KIFBP: variants seen among roughly 807,000 people sequenced by gnomAD.
KIFBP encodes the protein KIF-binding protein.
A neutral mutation model predicts 58.9 loss-of-function variants in KIFBP; 46 were observed. The ratio of observed to expected loss-of-function variants is 0.78; its 90% confidence interval spans 0.62 to 1.00. KIFBP has a LOEUF of 1.00. Among genes scored for constraint, KIFBP ranks in the 50% least tolerant of loss-of-function variants. The probability of loss-of-function intolerance (pLI) is 0.00; values close to 1 mark genes in which losing one functional copy is unlikely to be tolerated. For synonymous variants in KIFBP, 241 were observed against 283.4 expected (o/e 0.85, Z 1.50); for missense variants, 651 against 752.9 (o/e 0.86, Z 1.58).
In KIFBP at chr10:69,008,418, A is replaced by T. The variant is rs1010672388; in HGVS notation, c.790-423A>T. 2.1e-5 allele frequency among the ~76,000 whole-genome samples: 3 copies of T among 139,598 alleles called. 1 individual carries two copies. Among genetic ancestry groups the T allele is most frequent in the African/African-American group, 8.4e-5 (3 of 35,608 alleles). The allele number at this position is 139,598 out of a possible 152,430, so 91.6% of individuals were successfully genotyped here. A position where few individuals can be genotyped will look rare whatever the true frequency, so the allele number is the denominator to read the frequency against. On this transcript the variant is annotated intron_variant, in intron 4 of 6. Transcript: ENST00000361983. ...TATATATATATATATATATATATATATTCAGTCTTCTGACACAATGTAAAT... is the reference window on the plus strand; with the variant it reads ...TATATATATATATATATATATATATTTTCAGTCTTCTGACACAATGTAAAT...
rs1564638152 is a variant in KIFBP, at chr10:69,010,883, TC to T, written c.875-16del. On this transcript the variant is annotated splice_polypyrimidine_tract_variant and intron_variant, in intron 5 of 6. Transcript: ENST00000361983. ...AGTTGTGACCATTAACTTAAACAAA[TC>T]ACATGTATATTTTAGCTCCTGAAGC... The T allele has an allele frequency of 6.5e-7, 1 of 1,527,406 alleles. No homozygotes were observed. Among genetic ancestry groups the T allele is most frequent in the East Asian group, 2.3e-5 (1 of 44,418 alleles). The allele number at this position is 1,527,406 out of a possible 1,614,324, so 94.6% of individuals were successfully genotyped here.
At position 68,989,262 on chromosome 10, in the gene KIFBP, A is replaced by G. The variant is rs1362728059; in HGVS notation, c.426+4A>G. On this transcript the variant is annotated splice_donor_region_variant and intron_variant, in intron 1 of 6. Coordinates refer to ENST00000361983, the MANE Select transcript of KIFBP (RefSeq NM_015634.4). ...CTCTCTCTGCATCCAGGCGCAGGTG[A>G]GAGCGAGCCCGGCCAGGCCGGCCCC... The G allele has an allele frequency of 1.9e-6, 3 of 1,612,548 alleles. No individual in the cohort carries two copies. The highest frequency in any genetic ancestry group is 3.3e-5 in the Admixed American group (2 of 59,954).
chr10:68,989,282 G>C, intron 1 of KIFBP, 24 bp downstream of exon 1: 1 of 1,609,690 alleles, frequency 6.2e-7, no homozygotes, highest in Non-Finnish European at 8.5e-7. Context: ...CGGCCAGGCC[G>C]GCCCCTGTTG....
chr10:69,002,442 G>A (rs566372570), intron 2 of KIFBP, among the ~76,000 whole-genome samples: 39 of 152,044 alleles, frequency 2.6e-4, no homozygotes, highest in African/African-American at 8.7e-4. Context: ...ACAGGCATAA[G>A]CCACCATGCC....
chr10:69,015,583 A>G lies in KIFBP; in HGVS notation c.1033A>G (p.Arg345Gly), dbSNP rs1838987252. The change falls in exon 7 of 7, where the codon AGA becomes GGA. Residue 345 changes from arginine to glycine, a missense_variant. Transcript: ENST00000361983. ...TGATCTTGATAAACAGTCTGAACTT[A>G]GAGCTTTAAGGAAAAAAGAACTAGA... ...ELDLDKQSEL[R>G]ALRKKELDEE... is the part of the protein sequence containing the mutation. 1.2e-6 allele frequency: 2 copies of G among 1,613,498 alleles called. No homozygotes were observed. The highest frequency in any genetic ancestry group is 4.5e-5 in the East Asian group (2 of 44,896).
At chr10:68,989,654 G>C (rs2132104924) in intron 1 of KIFBP, 1 of 232,200 alleles carries the variant, frequency 4.3e-6, no homozygotes, top group East Asian at 1.1e-4. Context: ...AACGTCTCAA[G>C]GAAATGACAA....
In KIFBP at chr10:69,015,688, A is replaced by C; in HGVS notation, c.1138A>C (p.Lys380Gln). Residue 380 changes from lysine (K) to glutamine (Q), a missense_variant, in exon 7 of 7, where the codon AAA (lysine) becomes CAA (glutamine). Transcript: ENST00000361983. Reference protein sequence around the residue: ...LCDAISAVEEKVSYLRPLDFE... With the variant: ...LCDAISAVEEQVSYLRPLDFE... ...TGATGCCATCTCTGCAGTAGAAGAG[A>C]AAGTGAGCTACTTGAGACCTTTAGA... 6.2e-7 allele frequency: 1 copy of C among 1,614,210 alleles called. No individual in the cohort carries two copies. The highest frequency in any genetic ancestry group is 8.5e-7 in the Non-Finnish European group (1 of 1,180,022).
rs931419659 is a variant in KIFBP, at chr10:69,009,344, TA to T, written c.874+431del. On this transcript the variant is annotated intron_variant, in intron 5 of 6. Transcript: ENST00000361983. Reference sequence around the variant, plus strand: ...CCCATCTCTATGTTTTTAAAGAAATTAAAAAAAAAAAAGTAACATTGATACA... The same window carrying T: ...CCCATCTCTATGTTTTTAAAGAAATTAAAAAAAAAAAGTAACATTGATACA... 1.1e-3 allele frequency among the ~76,000 whole-genome samples: 159 copies of T among 145,172 alleles called. 1 individual carries two copies. The highest frequency in any genetic ancestry group is 1.3e-3 in the South Asian group (6 of 4,606).
rs1446733493 is a variant in KIFBP at position 69,015,575 on chromosome 10, C to A, written c.1025C>A (p.Ser342Tyr). 1.2e-6 allele frequency: 2 copies of A among 1,613,364 alleles called. No individual in the cohort carries two copies. Among genetic ancestry groups the A allele is most frequent in the Non-Finnish European group, 1.7e-6 (2 of 1,179,892 alleles). Residue 342 changes from serine (S) to tyrosine (Y), a missense_variant, in exon 7 of 7, where the codon TCT becomes TAT. Ser to Tyr is a moderately radical substitution (Grantham distance 144). Transcript: ENST00000361983. The part of the protein sequence containing the change: ...NIGELDLDKQ[S>Y]ELRALRKKEL... The stretch of plus-strand genomic sequence containing the variant: ...GGAGAGCTTGATCTTGATAAACAGT[C>A]TGAACTTAGAGCTTTAAGGAAAAAA...
At chr10:69,014,205 G>A (rs991696338) in intron 6 of KIFBP, among the ~76,000 whole-genome samples, 1 of 152,174 alleles carries the variant, frequency 6.6e-6, no homozygotes, top group South Asian at 2.1e-4. Flanking sequence ...AGGATACTAT[G>A]ATGAACAAAA....
chr10:69,008,759 A>AT, intron 4 of KIFBP, 82 bp from the exon 5 acceptor site: 1 of 1,075,342 alleles, frequency 9.3e-7, no homozygotes, highest in Non-Finnish European at 1.4e-6. Context: ...ACCTTTTCCC[A>AT]TATTAAAAGA....
rs972871460 is a variant in KIFBP, at chr10:69,016,900, A to G, written c.*484A>G. The stretch of plus-strand genomic sequence containing the variant: ...CTAAAAACTAAGTTATGTTATTATA[A>G]AGTGTAAAATGGTTTGTCTTAATTA... On this transcript the variant is annotated 3_prime_UTR_variant, in exon 7 of 7. Coordinates refer to ENST00000361983, the MANE Select transcript of KIFBP (RefSeq NM_015634.4). The G allele has an allele frequency of 1.3e-5, 2 of 155,404 alleles. No homozygotes were observed. The highest frequency in any genetic ancestry group is 4.8e-5 in the African/African-American group (2 of 41,448). 9.6% of individuals were successfully genotyped at this position (155,404 alleles called of 1,614,324 possible). A position where few individuals can be genotyped will look rare whatever the true frequency, so the allele number is the denominator to read the frequency against.
chr10:69,016,373 C>G lies in KIFBP; in HGVS notation c.1823C>G (p.Pro608Arg). Residue 608 changes from proline (P) to arginine (R), a missense_variant, in exon 7 of 7, where the codon CCA becomes CGA. Pro to Arg is a moderately radical substitution (Grantham distance 103, BLOSUM62 -2). Transcript: ENST00000361983. ...AGTAAAGAGATGGTTAGTCTTCTCCCAACAAAAATGGAGAGATTCAGAACC... is the reference window on the plus strand; with the variant it reads ...AGTAAAGAGATGGTTAGTCTTCTCCGAACAAAAATGGAGAGATTCAGAACC... Reference protein sequence around the residue: ...ELSKEMVSLLPTKMERFRTKM... With the variant: ...ELSKEMVSLLRTKMERFRTKM... 2 of 1,613,944 alleles carry G rather than the reference C, an allele frequency of 1.2e-6. No homozygotes were observed. Among genetic ancestry groups the G allele is most frequent in the Non-Finnish European group, 1.7e-6 (2 of 1,179,934 alleles).
intron 6 of KIFBP, among the ~76,000 whole-genome samples, chr10:69,012,926 T>C (rs1489743921): frequency 6.6e-6 from 1 of 151,998 alleles, no homozygotes; most frequent in African/African-American, 2.4e-5. Context: ...AAGAGGTTAA[T>C]TGACTCACAG....
At chr10:68,994,131 A>T (rs1484682295) in intron 1 of KIFBP, among the ~76,000 whole-genome samples, 2 of 152,044 alleles carry the variant, frequency 1.3e-5, no homozygotes, top group South Asian at 4.1e-4. Context: ...GGCTGCAGTA[A>T]GCTAAGATGG....
intron 6 of KIFBP, chr10:69,015,297 A>C (rs1051228838): frequency 1.3e-5 from 6 of 449,460 alleles, no homozygotes; most frequent in Non-Finnish European, 2.4e-5. Flanking sequence ...TCAGTTCCTC[A>C]GAATAAATGA....
chr10:68,998,530 A>AT (rs985763824), intron 1 of KIFBP, among the ~76,000 whole-genome samples: 7 of 151,410 alleles, frequency 4.6e-5, no homozygotes, highest in African/African-American at 1.5e-4. Context: ...AGAAATTTGT[A>AT]TTTTTTTCCC....
chr10:68,998,624 ACTTC>A (rs1388070249), intron 1 of KIFBP, among the ~76,000 whole-genome samples: 1 of 151,414 alleles, frequency 6.6e-6, no homozygotes, highest in East Asian at 1.9e-4. Flanking sequence ...TGCATTAAAA[ACTTC>A]CTTCCCTAGT....
rs34786287 is a variant in KIFBP at position 69,011,683 on chromosome 10, C to CTTTTTTTTTTTT, written c.990+686_990+697dup. ...ACAGGTGTGAGCCACTGTGCCTAAT[C>CTTTTTTTTTTTT]TTTTTTTTTTTTTTTTTTTTTTTTT... On this transcript the variant is annotated intron_variant, in intron 6 of 6. Transcript: ENST00000361983. 4.7e-5 allele frequency among the ~76,000 whole-genome samples: 2 copies of CTTTTTTTTTTTT among 42,512 alleles called. 1 individual carries two copies. Among genetic ancestry groups the CTTTTTTTTTTTT allele is most frequent in the Non-Finnish European group, 8.6e-5 (2 of 23,312 alleles). The allele number at this position is 42,512 out of a possible 152,430, so 27.9% of individuals were successfully genotyped here. A position where few individuals can be genotyped will look rare whatever the true frequency, so the allele number is the denominator to read the frequency against.
Sources: allele counts gnomAD v4.1 joint callset (sites outside exome capture counted in the v4.1 genomes callset), GRCh38; gene constraint gnomAD v4.1.1; transcripts MANE v1.5; gene names NCBI Gene and HGNC (gene_info 2026-07-23, HGNC 2026-07-21).